The following ELAVL1 variants were observed in gnomAD, a reference collection of about 807,000 sequenced individuals.
The protein encoded by ELAVL1 is ELAV-like protein 1.
A neutral mutation model predicts 28.4 loss-of-function variants in ELAVL1; 1 was observed. The observed-to-expected ratio is 0.04, with a 90% confidence interval of 0.01 to 0.17. ELAVL1 has a LOEUF of 0.17. Ranked by LOEUF, ELAVL1 falls within the 10% of genes least tolerant of loss-of-function variation. The probability of loss-of-function intolerance (pLI) is 1.00; values close to 1 mark genes in which losing one functional copy is unlikely to be tolerated. For missense variants in ELAVL1, 157 were observed against 447.2 expected, an observed-to-expected ratio of 0.35 and a Z score of 5.85; for synonymous variants, 174 against 183.5, an observed-to-expected ratio of 0.95 and a Z score of 0.42.
At chr19:7,980,064 G>A (rs1231458218) in intron 3 of ELAVL1, among the ~76,000 whole-genome samples, 2 of 152,196 alleles carry the variant, frequency 1.3e-5, no homozygotes, top group African/African-American at 2.4e-5. Context: ...GTGACTCAGG[G>A]AGCACCTTTC....
intron 3 of ELAVL1, among the ~76,000 whole-genome samples, chr19:7,977,611 A>C (rs1447382132): frequency 6.6e-6 from 1 of 152,188 alleles, no homozygotes; most frequent in Non-Finnish European, 1.5e-5. Context: ...GACCACTCCC[A>C]CTGTGGCTGC....
intron 3 of ELAVL1, among the ~76,000 whole-genome samples, chr19:7,977,756 G>A (rs983377278): frequency 1.3e-5 from 2 of 152,266 alleles, no homozygotes; most frequent in African/African-American, 2.4e-5. Flanking sequence ...GCACGTCTGC[G>A]CTCTCTGTGC....
At chr19:7,978,835 G>T (rs1422410170) in intron 3 of ELAVL1, among the ~76,000 whole-genome samples, 1 of 152,144 alleles carries the variant, frequency 6.6e-6, no homozygotes, top group Non-Finnish European at 1.5e-5. Context: ...GCTAACTCTG[G>T]GTGACTGGTG....
intron 2 of ELAVL1, among the ~76,000 whole-genome samples, chr19:7,990,752 T>C (rs1249141937): frequency 6.6e-6 from 1 of 151,722 alleles, no homozygotes; most frequent in African/African-American, 2.4e-5. Context: ...CTCCTTGGCT[T>C]CCTAAAGCAG....
At chr19:7,964,603 G>C (rs532401956) in intron 5 of ELAVL1, among the ~76,000 whole-genome samples, 1 of 152,268 alleles carries the variant, frequency 6.6e-6, no homozygotes, top group African/African-American at 2.4e-5. Flanking sequence ...GAGAGGCCAA[G>C]GTGGGAGGAT....
chr19:7,975,540 C>G (rs1031971071), intron 3 of ELAVL1, among the ~76,000 whole-genome samples: 1 of 152,246 alleles, frequency 6.6e-6, no homozygotes, highest in Admixed American at 6.5e-5. Flanking sequence ...GCCCCTCGGC[C>G]AGAACCCTCT....
intron 2 of ELAVL1, among the ~76,000 whole-genome samples, chr19:7,984,145 T>G (rs1227366915): frequency 6.6e-6 from 1 of 152,136 alleles, no homozygotes; most frequent in African/African-American, 2.4e-5. Context: ...GCCCGTCACC[T>G]TCCATGGTCA....
chr19:7,985,716 G>A (rs1467272059), intron 2 of ELAVL1, among the ~76,000 whole-genome samples: 1 of 152,216 alleles, frequency 6.6e-6, no homozygotes, highest in Non-Finnish European at 1.5e-5. Context: ...GGTGTGGGTG[G>A]GAGATACGGG....
At chr19:8,004,901 T>C (rs948847099) in intron 1 of ELAVL1, among the ~76,000 whole-genome samples, 2 of 152,142 alleles carry the variant, frequency 1.3e-5, no homozygotes, top group Admixed American at 1.3e-4. Context: ...CACACACATA[T>C]TTTACAAATC....
Position 7,990,841 on chromosome 19 carries a change from A to G in ELAVL1, c.172+803T>C, listed in dbSNP as rs538411931. On this transcript the variant is annotated intron_variant, in intron 2 of 5. Transcript: ENST00000407627. ...GAAGAGGGGCCATTGGGAGAGGAGG[A>G]GGAGGAGAGCTCCGCACATGGTCTG... Among the ~76,000 whole-genome samples the G allele has an allele frequency of 3.3e-5, 5 of 152,224 alleles. No homozygotes were observed. In the South Asian group the frequency reaches 1.0e-3, roughly 32 times the overall value.
chr19:7,983,302 A>G (rs1410714776), intron 2 of ELAVL1, among the ~76,000 whole-genome samples: 1 of 152,202 alleles, frequency 6.6e-6, no homozygotes, highest in Non-Finnish European at 1.5e-5. Flanking sequence ...CGCAGCTTGG[A>G]GAACAAGCAA....
At chr19:7,984,509 G>A (rs1210809549) in intron 2 of ELAVL1, among the ~76,000 whole-genome samples, 1 of 152,236 alleles carries the variant, frequency 6.6e-6, no homozygotes, top group East Asian at 1.9e-4. Flanking sequence ...GCCACTGGCA[G>A]CAGGGCAGAG....
rs899526922 is a variant in ELAVL1 at position 7,987,121 on chromosome 19, G to A, written c.172+4523C>T. On this transcript the variant is annotated intron_variant, in intron 2 of 5. Transcript: ENST00000407627. ...AGAGCCTGACCGGGGGGTGCCGGGG[G>A]GGGGGGAGGGTGCAGCAAGTGGGGA... is the stretch of plus-strand genomic sequence containing the variant. Among the ~76,000 whole-genome samples the A allele has an allele frequency of 5.3e-5, 8 of 149,742 alleles. 1 individual carries two copies. The highest frequency in any genetic ancestry group is 1.2e-4 in the African/African-American group (5 of 40,640).
chr19:7,982,909 G>A lies in ELAVL1; in HGVS notation c.173-1723C>T, dbSNP rs1224689713. 2.0e-5 allele frequency among the ~76,000 whole-genome samples: 3 copies of A among 152,192 alleles called. No individual in the cohort carries two copies. Among genetic ancestry groups the A allele is most frequent in the Non-Finnish European group, 4.4e-5 (3 of 68,034 alleles). On this transcript the variant is annotated intron_variant, in intron 2 of 5. Transcript: ENST00000407627. This position sits in a 1 kb window ranked among gnomAD's most constrained non-coding sequence, Gnocchi z 4.3. ...AGCTGGAGCGCCCTTCTCGTCACAC[G>A]ATGTCAAGGGCACAGGCCGTCAACG...
intron 4 of ELAVL1, among the ~76,000 whole-genome samples, chr19:7,972,611 A>T (rs974459026): frequency 6.6e-6 from 1 of 150,388 alleles, no homozygotes; most frequent in South Asian, 2.1e-4. Context: ...ACAAATGTGC[A>T]GCAGCCTTTT....
At chr19:7,972,633 CTTTT>C (rs34254806) in intron 4 of ELAVL1, among the ~76,000 whole-genome samples, 1 of 149,942 alleles carries the variant, frequency 6.7e-6, no homozygotes, top group Non-Finnish European at 1.5e-5. Context: ...TTTTCTTTTT[CTTTT>C]TTTTTAAGAA....
chr19:7,990,502 G>A (rs997593468), intron 2 of ELAVL1, among the ~76,000 whole-genome samples: 13 of 150,514 alleles, frequency 8.6e-5, no homozygotes, highest in Non-Finnish European at 1.5e-4. Context: ...AAATAGCCAG[G>A]ACCACAGATG....
rs12973149 is a variant in ELAVL1 at position 8,000,106 on chromosome 19, G to C, written c.-17+5389C>G. ...TTTTATGTTTTGTAGAGGCGGGGGC[G>C]GGGGGGTGTCTCGCCATGTTGTTCA... On this transcript the variant is annotated intron_variant, in intron 1 of 5. Transcript: ENST00000407627. Among the ~76,000 whole-genome samples, 112 of 151,960 alleles carry C rather than the reference G, an allele frequency of 7.4e-4. 1 individual carries two copies. The highest frequency in any genetic ancestry group is 2.5e-3 in the African/African-American group (105 of 41,450).
intron 2 of ELAVL1, among the ~76,000 whole-genome samples, chr19:7,986,539 AGAAG>A (rs1370204090): frequency 1.3e-5 from 2 of 152,206 alleles, no homozygotes; most frequent in Non-Finnish European, 2.9e-5. Flanking sequence ...AGGGCTGGAC[AGAAG>A]GAAGGGTGAA....
Sources: allele counts gnomAD v4.1 joint callset (sites outside exome capture counted in the v4.1 genomes callset), GRCh38; gene constraint gnomAD v4.1.1; non-coding constraint Gnocchi (gnomAD v3.1); transcripts MANE v1.5; gene names NCBI Gene and HGNC (gene_info 2026-07-23, HGNC 2026-07-21).